The following HSD17B12 variants were observed in gnomAD, a reference collection of about 807,000 sequenced individuals.
HSD17B12 encodes hydroxysteroid 17-beta dehydrogenase 12, also known as very-long-chain 3-oxoacyl-CoA reductase.
A neutral mutation model predicts 39.3 loss-of-function variants in HSD17B12; 32 were observed. That is an observed-to-expected ratio of 0.81 (90% CI 0.61 to 1.09). HSD17B12 has a LOEUF of 1.09. Ranked by LOEUF, HSD17B12 falls within the 50% of genes least tolerant of loss-of-function variation. The pLI is 0.00. For missense variants in HSD17B12, 342 were observed against 382.9 expected (o/e 0.89, Z 0.89); for synonymous variants, 150 against 146.7 (o/e 1.02, Z -0.16).
In HSD17B12 at chr11:43,775,343, G is replaced by A. The variant is rs539078707; in HGVS notation, c.283+21222G>A. On this transcript the variant is annotated intron_variant, in intron 3 of 10. Coordinates refer to ENST00000278353, the MANE Select transcript of HSD17B12 (RefSeq NM_016142.3). ...GTAATTGTGATGCAGCAGTGGAAAA[G>A]TAATACATACTCCTAGGATCACATT... 3.3e-5 allele frequency among the ~76,000 whole-genome samples: 5 copies of A among 152,298 alleles called. No individual in the cohort carries two copies. In the South Asian group the frequency reaches 1.0e-3, roughly 32 times the overall value.
chr11:43,598,286 G>T, the HSD17B12 span, among the ~76,000 whole-genome samples: 2 of 152,148 alleles, frequency 1.3e-5, no homozygotes, highest in Non-Finnish European at 2.9e-5. Context: ...CCCGTTAAGT[G>T]TCTGTTTATG....
chr11:43,714,754 G>A (rs941384764), intron 1 of HSD17B12, among the ~76,000 whole-genome samples: 18 of 152,298 alleles, frequency 1.2e-4, no homozygotes, highest in African/African-American at 3.9e-4. Context: ...TCCTATCTAT[G>A]AGCATGGAAC....
intron 1 of HSD17B12, among the ~76,000 whole-genome samples, chr11:43,743,781 C>T (rs1212604489): frequency 6.6e-6 from 1 of 152,168 alleles, no homozygotes; most frequent in Non-Finnish European, 1.5e-5. Flanking sequence ...GTGTAATCAC[C>T]TCACCTATGA....
intron 3 of HSD17B12, among the ~76,000 whole-genome samples, chr11:43,776,825 G>C (rs532783570): frequency 2.0e-3 from 310 of 152,132 alleles, no homozygotes; most frequent in Non-Finnish European, 2.5e-3. Flanking sequence ...TCTACATATG[G>C]CTAGCCAGTT....
At chr11:43,781,546 G>A (rs948277684) in intron 3 of HSD17B12, among the ~76,000 whole-genome samples, 2 of 152,084 alleles carry the variant, frequency 1.3e-5, no homozygotes, top group African/African-American at 2.4e-5. Context: ...TTTCACTGTG[G>A]CTATCTCTGG....
chr11:43,798,880 G>C (rs555092654), intron 4 of HSD17B12, among the ~76,000 whole-genome samples: 11 of 152,006 alleles, frequency 7.2e-5, no homozygotes, highest in Non-Finnish European at 1.5e-4. Flanking sequence ...AGACACACTG[G>C]TAAACTCAAG....
At chr11:43,736,730 G>T (rs1452401360) in intron 1 of HSD17B12, among the ~76,000 whole-genome samples, 2 of 152,112 alleles carry the variant, frequency 1.3e-5, no homozygotes, top group Non-Finnish European at 2.9e-5. Context: ...AATGGAGGAA[G>T]TTGCTGCTGT....
At chr11:43,757,639 CAAAAAA>C (rs60598991) in intron 3 of HSD17B12, among the ~76,000 whole-genome samples, 276 of 7,186 alleles carry the variant, frequency 0.038, 1 homozygote, top group African/African-American at 0.098. Context: ...GACTCCGTCT[CAAAAAA>C]AAAAAAAAAA....
At chr11:43,711,490 T>A (rs1950065534) in intron 1 of HSD17B12, among the ~76,000 whole-genome samples, 1 of 151,042 alleles carries the variant, frequency 6.6e-6, no homozygotes, top group Non-Finnish European at 1.5e-5. Context: ...TTTTTTTTTT[T>A]TTGAGACAGG....
At chr11:43,834,681 A>G (rs937583663) in intron 7 of HSD17B12, among the ~76,000 whole-genome samples, 2 of 152,132 alleles carry the variant, frequency 1.3e-5, no homozygotes, top group African/African-American at 4.8e-5. Context: ...CCAGGTGACA[A>G]TTAAGGGAGT....
chr11:43,631,664 T>C, the HSD17B12 span, among the ~76,000 whole-genome samples: 2 of 152,014 alleles, frequency 1.3e-5, no homozygotes, highest in Admixed American at 6.6e-5. Context: ...TCTCCCTCTG[T>C]CTCTCTCTCC....
In HSD17B12 at chr11:43,831,150, C is replaced by A. The variant is rs553479313; in HGVS notation, c.536+140C>A. ...CTTAGCCACAGAGTGATGTACCAGG[C>A]GAGTCACAGTAGAGCATGAGTCATC... On this transcript the variant is annotated intron_variant, in intron 7 of 10. Coordinates refer to ENST00000278353, the MANE Select transcript of HSD17B12 (RefSeq NM_016142.3). This position sits in a 1 kb window ranked among gnomAD's most constrained non-coding sequence, Gnocchi z 4.1. 1 of 660,060 alleles carries A rather than the reference C, an allele frequency of 1.5e-6. No homozygotes were observed. The highest frequency in any genetic ancestry group is 2.5e-6 in the Non-Finnish European group (1 of 401,192). The allele number at this position is 660,060 out of a possible 1,614,324, so 40.9% of individuals were successfully genotyped here.
intron 1 of HSD17B12, among the ~76,000 whole-genome samples, chr11:43,692,854 T>A (rs2863003): frequency 0.5 from 75,800 of 151,640 alleles, 19,332 homozygotes; most frequent in Non-Finnish European, 0.53. Flanking sequence ...ATAGTAAGCA[T>A]ATAGAACCAG....
chr11:43,700,740 G>A (rs527593733), intron 1 of HSD17B12, among the ~76,000 whole-genome samples: 2 of 152,158 alleles, frequency 1.3e-5, no homozygotes, highest in South Asian at 2.1e-4. Context: ...ATCTGTCGAC[G>A]GACACTTAGG....
At chr11:43,844,408 T>C (rs1393282864) in intron 9 of HSD17B12, among the ~76,000 whole-genome samples, 2 of 152,084 alleles carry the variant, frequency 1.3e-5, no homozygotes. Context: ...CAACAACAAG[T>C]GATGTAAATG....
At chr11:43,835,907 A>G (rs1951365940) in intron 7 of HSD17B12, among the ~76,000 whole-genome samples, 1 of 152,140 alleles carries the variant, frequency 6.6e-6, no homozygotes, top group African/African-American at 2.4e-5. Context: ...ATTGTATTTT[A>G]ATATGGGAAA....
chr11:43,590,340 G>A, the HSD17B12 span, among the ~76,000 whole-genome samples: 24 of 148,302 alleles, frequency 1.6e-4, no homozygotes, highest in Admixed American at 1.1e-3. Context: ...CAATGACATT[G>A]CACCTTAAAA....
the HSD17B12 span, among the ~76,000 whole-genome samples, chr11:43,600,131 T>C: frequency 7.9e-3 from 1,210 of 152,286 alleles, 18 homozygotes; most frequent in African/African-American, 0.028. Flanking sequence ...TTGTTATTGA[T>C]ATTTAGTTGT....
chr11:43,638,025 G>A, the HSD17B12 span, among the ~76,000 whole-genome samples: 1 of 152,148 alleles, frequency 6.6e-6, no homozygotes, highest in Non-Finnish European at 1.5e-5. Context: ...TTTTCAGTGA[G>A]GGCTTTGTTA....
Sources: gnomAD v4.1 joint callset for allele counts (sites outside exome capture counted in the v4.1 genomes callset) on GRCh38, gnomAD v4.1.1 for gene constraint, Gnocchi (gnomAD v3.1) non-coding constraint, MANE v1.5 for transcripts, NCBI Gene and HGNC (gene_info 2026-07-23, HGNC 2026-07-21) for gene names.